BDKRB2: variants seen among roughly 807,000 people sequenced by gnomAD.
The protein encoded by BDKRB2 is B2 bradykinin receptor.
Under a neutral mutation model 4.0 loss-of-function variants are expected in BDKRB2, and 6 were observed. That is an observed-to-expected ratio of 1.49 (90% CI 0.81 to 2.93). BDKRB2 has a LOEUF of 2.93. Among genes scored for constraint, BDKRB2 ranks in the 30% most tolerant of loss-of-function variants. The pLI is 0.00. For missense variants in BDKRB2, 478 were observed against 520.1 expected (o/e 0.92, Z 0.79); for synonymous variants, 225 against 215.3 (o/e 1.05, Z -0.40).
intron 1 of BDKRB2, among the ~76,000 whole-genome samples, chr14:96,227,300 TTGTGCTCACATTAAC>T (rs988725722): frequency 6.6e-6 from 1 of 152,226 alleles, no homozygotes; most frequent in African/African-American, 2.4e-5. Flanking sequence ...TTAATGTACT[TTGTGCTCACATTAAC>T]CCCACAAAGT....
intron 1 of BDKRB2, among the ~76,000 whole-genome samples, chr14:96,228,734 T>C (rs775479510): frequency 1.9e-4 from 29 of 152,144 alleles, no homozygotes; most frequent in Admixed American, 1.2e-3. Flanking sequence ...CCCAGGCTTG[T>C]GGGTGGGGCT....
chr14:96,232,470 C>T (rs1267005824), intron 1 of BDKRB2, among the ~76,000 whole-genome samples: 1 of 152,224 alleles, frequency 6.6e-6, no homozygotes, highest in Non-Finnish European at 1.5e-5. Context: ...TTGCCACATC[C>T]ATGTCACCTG....
intron 1 of BDKRB2, among the ~76,000 whole-genome samples, chr14:96,234,400 C>G (rs1461615836): frequency 2.0e-5 from 3 of 152,172 alleles, no homozygotes; most frequent in Non-Finnish European, 4.4e-5. Context: ...CATCCTCCCT[C>G]TCACCCTCCC....
intron 1 of BDKRB2, 96 bp from the exon 2 acceptor site, chr14:96,236,973 C>T (rs1205760991): frequency 2.5e-5 from 19 of 759,268 alleles, no homozygotes; most frequent in Non-Finnish European, 3.5e-5. Flanking sequence ...GAGTCAGGGA[C>T]TCAGCAGTCT....
intron 1 of BDKRB2, chr14:96,223,051 T>C: frequency 1.3e-6 from 1 of 744,152 alleles, no homozygotes; most frequent in Non-Finnish European, 2.4e-6. Context: ...GGGTGTGCTG[T>C]TGGGAGTTGC....
intron 1 of BDKRB2, among the ~76,000 whole-genome samples, chr14:96,206,415 A>G (rs557786084): frequency 1.1e-3 from 162 of 152,276 alleles, no homozygotes; most frequent in African/African-American, 3.7e-3. Flanking sequence ...CTCAGTGTCC[A>G]GGGAAATGCC....
intron 1 of BDKRB2, among the ~76,000 whole-genome samples, chr14:96,209,623 A>G (rs1284962699): frequency 4.6e-5 from 7 of 152,246 alleles, no homozygotes; most frequent in South Asian, 2.1e-4. Context: ...CACATTTTTC[A>G]TGTGAAAGAA....
rs542638470 is a variant in BDKRB2, at chr14:96,223,443, C to T, written c.-39-13626C>T. On this transcript the variant is annotated intron_variant, in intron 1 of 2. Transcript: ENST00000554311. The stretch of plus-strand genomic sequence containing the variant: ...ATTATTATGTTGCCTTCTTGTTTCT[C>T]ACTTTGATATTTAAAAGATGTTCAA... 4.4e-6 allele frequency: 3 copies of T among 683,750 alleles called. No individual in the cohort carries two copies. In the South Asian group the frequency reaches 4.9e-5, roughly 11 times the overall value. The allele number at this position is 683,750 out of a possible 1,614,324, so 42.4% of individuals were successfully genotyped here.
chr14:96,239,507 G>C (rs1192372564), intron 2 of BDKRB2: 1 of 985,292 alleles, frequency 1.0e-6, no homozygotes, highest in African/African-American at 1.7e-5. Flanking sequence ...AGAGGAGCCA[G>C]TGGGTTAAAG....
At chr14:96,224,736 T>G (rs982041022) in intron 1 of BDKRB2, among the ~76,000 whole-genome samples, 15 of 152,208 alleles carry the variant, frequency 9.9e-5, no homozygotes, top group African/African-American at 3.6e-4. Context: ...CCCGTTTCCC[T>G]GCAGATCAGC....
chr14:96,235,059 T>A (rs1010555549), intron 1 of BDKRB2, among the ~76,000 whole-genome samples: 5 of 152,136 alleles, frequency 3.3e-5, no homozygotes, highest in Non-Finnish European at 5.9e-5. Flanking sequence ...TTAAAATGAA[T>A]GCTTTAAGCC....
At chr14:96,212,594 G>T (rs1485420724) in intron 1 of BDKRB2, among the ~76,000 whole-genome samples, 1 of 152,174 alleles carries the variant, frequency 6.6e-6, no homozygotes, top group Non-Finnish European at 1.5e-5. Flanking sequence ...GCTATGCAGA[G>T]AATTAGAATA....
intron 1 of BDKRB2, among the ~76,000 whole-genome samples, chr14:96,230,088 CAT>C (rs1429744873): frequency 1.3e-5 from 2 of 151,582 alleles, no homozygotes; most frequent in Non-Finnish European, 2.9e-5. Flanking sequence ...GAGCCGAGAT[CAT>C]GCCACTGCAC....
intron 1 of BDKRB2, among the ~76,000 whole-genome samples, chr14:96,234,557 C>G (rs144400989): frequency 6.6e-6 from 1 of 152,308 alleles, no homozygotes; most frequent in East Asian, 1.9e-4. Context: ...AGCTCCCTGA[C>G]AGGGATCCTC....
chr14:96,225,536 C>T (rs777400784), intron 1 of BDKRB2, among the ~76,000 whole-genome samples: 2 of 151,918 alleles, frequency 1.3e-5, no homozygotes, highest in Non-Finnish European at 2.9e-5. Context: ...AAGGAAGGAA[C>T]GGATGAAAGG....
At chr14:96,237,336 C>G (rs1890959711) in intron 2 of BDKRB2, among the ~76,000 whole-genome samples, 155 bp downstream of exon 2, 1 of 152,184 alleles carries the variant, frequency 6.6e-6, no homozygotes, top group South Asian at 2.1e-4. Flanking sequence ...GTCCAAGTCC[C>G]TGTAGGCCTG....
rs146288764 is a variant in BDKRB2 at position 96,243,843 on chromosome 14, GA to G, written c.*2352del. ...TCAAACTGTGCCACACATGGTGAAT[GA>G]AAAAAAAAAAAAGAGGCTGTGTTTT... is the stretch of plus-strand genomic sequence containing the variant. On this transcript the variant is annotated 3_prime_UTR_variant, in exon 3 of 3. Coordinates refer to ENST00000554311, the MANE Select transcript of BDKRB2 (RefSeq NM_001379692.1). 24,834 of 200,324 alleles carry G rather than the reference GA, an allele frequency of 0.12. 780 individuals are homozygous for G. The highest frequency in any genetic ancestry group is 0.16 in the Middle Eastern group (96 of 588). 12.4% of individuals were successfully genotyped at this position (200,324 alleles called of 1,614,324 possible). A position where few individuals can be genotyped will look rare whatever the true frequency, so the allele number is the denominator to read the frequency against.
Position 96,220,758 on chromosome 14 carries a change from C to G in BDKRB2, c.-40+15799C>G, listed in dbSNP as rs143413262. Among the ~76,000 whole-genome samples, 505 of 152,096 alleles carry G rather than the reference C, an allele frequency of 3.3e-3. 4 individuals are homozygous for G. Among genetic ancestry groups the G allele is most frequent in the African/African-American group, 0.012 (480 of 41,386 alleles). ...CTTCCAGATTTTGCCAACTGCCCCC[C>G]ACCTTTGACCATGTCCAGGCATCCT... On this transcript the variant is annotated intron_variant, in intron 1 of 2. Coordinates refer to ENST00000554311, the MANE Select transcript of BDKRB2 (RefSeq NM_001379692.1).
In BDKRB2 at chr14:96,243,788, A is replaced by C. The variant is rs1885366375; in HGVS notation, c.*2284A>C. On this transcript the variant is annotated 3_prime_UTR_variant, in exon 3 of 3. Coordinates refer to ENST00000554311, the MANE Select transcript of BDKRB2 (RefSeq NM_001379692.1). ...AGAAAACAGGTGAAAGAAGAAGTAA[A>C]AACCATTTAGTATTAGTATTAGAAT... 5.8e-6 allele frequency: 1 copy of C among 171,236 alleles called. No individual in the cohort carries two copies. The highest frequency in any genetic ancestry group is 1.2e-5 in the Non-Finnish European group (1 of 81,162). 10.6% of individuals were successfully genotyped at this position (171,236 alleles called of 1,614,324 possible).
Sources: allele counts gnomAD v4.1 joint callset (sites outside exome capture counted in the v4.1 genomes callset), GRCh38; gene constraint gnomAD v4.1.1; transcripts MANE v1.5; gene names NCBI Gene and HGNC (gene_info 2026-07-23, HGNC 2026-07-21).